GSDME: variants seen among roughly 807,000 people sequenced by gnomAD.
GSDME encodes the protein gasdermin-E.
A neutral mutation model predicts 47.5 loss-of-function variants in GSDME; 44 were observed. The ratio of observed to expected loss-of-function variants is 0.93; its 90% CI spans 0.73 to 1.19. The LOEUF (loss-of-function observed/expected upper bound fraction) is 1.19, where lower values mean the gene tolerates loss of function less well. Among genes scored for constraint, GSDME ranks in the 50% most tolerant of loss-of-function variants. The probability of loss-of-function intolerance (pLI) is 0.00; values close to 1 mark genes in which losing one functional copy is unlikely to be tolerated. For missense variants in GSDME, 663 were observed against 604.2 expected, an observed-to-expected ratio of 1.10 and a Z score of -1.02; for synonymous variants, 258 against 252.8, an observed-to-expected ratio of 1.02 and a Z score of -0.20.
chr7:24,727,558 C>T lies in GSDME; in HGVS notation c.405-8340G>A, dbSNP rs575831480. 2.0e-5 allele frequency among the ~76,000 whole-genome samples: 3 copies of T among 152,336 alleles called. No homozygotes were observed. In the East Asian group the frequency reaches 5.8e-4, roughly 29 times the overall value. Reference sequence around the variant, plus strand: ...TCTCCCAAGGGTTTTGATTTATTGGCTAAAACTACAGTTTACAAAGGATCA... The same window carrying T: ...TCTCCCAAGGGTTTTGATTTATTGGTTAAAACTACAGTTTACAAAGGATCA... On this transcript the variant is annotated intron_variant, in intron 3 of 9. Coordinates refer to ENST00000645220, the MANE Select transcript of GSDME (RefSeq NM_001127453.2).
the GSDME span, among the ~76,000 whole-genome samples, chr7:24,785,569 C>T: frequency 2.2e-4 from 33 of 152,314 alleles, no homozygotes; most frequent in Non-Finnish European, 4.0e-4. Flanking sequence ...GATTCCCCTG[C>T]CTCAGCCTCC....
In GSDME at chr7:24,736,262, T is replaced by G. The variant is rs941669820; in HGVS notation, c.404+8300A>C. ...AAAACAACAAAAAAAGACCAAATGA[T>G]CTGTTGCCTACAAGAAACACCCTTC... On this transcript the variant is annotated intron_variant, in intron 3 of 9. Transcript: ENST00000645220. This position sits in a 1 kb window ranked among gnomAD's most constrained non-coding sequence, Gnocchi z 4.6. Among the ~76,000 whole-genome samples, 3 of 151,984 alleles carry G rather than the reference T, an allele frequency of 2.0e-5. No individual in the cohort carries two copies. Among genetic ancestry groups the G allele is most frequent in the African/African-American group, 7.3e-5 (3 of 41,368 alleles).
chr7:24,734,633 T>C (rs1418793295), intron 3 of GSDME, among the ~76,000 whole-genome samples: 1 of 152,112 alleles, frequency 6.6e-6, no homozygotes, highest in African/African-American at 2.4e-5. Context: ...ATTCCAGAGT[T>C]GAAAAACACA....
chr7:24,749,597 C>T lies in GSDME; in HGVS notation c.178G>A (p.Asp60Asn), dbSNP rs370058550. Residue 60 changes from aspartate (D) to asparagine (N), a missense_variant, in exon 2 of 10, where the codon GAT becomes AAT. Transcript: ENST00000645220. Reference sequence around the variant, plus strand: ...GGAAATTGGTCTTCTATGAGTACATCGCCAAGGGTGAGGGATAAAAACTGG... The same window carrying T: ...GGAAATTGGTCTTCTATGAGTACATTGCCAAGGGTGAGGGATAAAAACTGG... ...KYQFLSLTLG[D>N]VLIEDQFPSP... is the part of the protein sequence containing the mutation. The T allele has an allele frequency of 1.2e-5, 19 of 1,613,598 alleles. No homozygotes were observed. The highest frequency in any genetic ancestry group is 1.6e-4 in the Middle Eastern group (1 of 6,082).
intron 3 of GSDME, among the ~76,000 whole-genome samples, chr7:24,737,678 C>T (rs1406484935): frequency 7.3e-6 from 1 of 136,148 alleles, no homozygotes; most frequent in Non-Finnish European, 1.5e-5. Context: ...ATACCAAAAC[C>T]AGACAAAGAC....
chr7:24,780,150 T>C, the GSDME span, among the ~76,000 whole-genome samples: 1 of 152,250 alleles, frequency 6.6e-6, no homozygotes, highest in Admixed American at 6.5e-5. The surrounding 1 kb of genome is among the most constrained non-coding windows in gnomAD (Gnocchi z 4.1). Context: ...GTCCGAGAAG[T>C]TGGCTGGCCC....
intron 5 of GSDME, among the ~76,000 whole-genome samples, chr7:24,715,191 G>A (rs983764467): frequency 6.6e-6 from 1 of 152,160 alleles, no homozygotes; most frequent in Non-Finnish European, 1.5e-5. Flanking sequence ...TAGACTGGTG[G>A]TTGCCAGGTG....
intron 5 of GSDME, among the ~76,000 whole-genome samples, chr7:24,711,152 A>G (rs906168856): frequency 6.6e-6 from 1 of 152,234 alleles, no homozygotes; most frequent in Non-Finnish European, 1.5e-5. Context: ...TGGTGGGCAC[A>G]TGGGAGCTCA....
rs1468328696 is a variant in GSDME, at chr7:24,733,210, G to C, written c.404+11352C>G. Among the ~76,000 whole-genome samples the C allele has an allele frequency of 2.0e-5, 3 of 152,096 alleles. No individual in the cohort carries two copies. Among genetic ancestry groups the C allele is most frequent in the Non-Finnish European group, 2.9e-5 (2 of 68,020 alleles). On this transcript the variant is annotated intron_variant, in intron 3 of 9. Coordinates refer to ENST00000645220, the MANE Select transcript of GSDME (RefSeq NM_001127453.2). The surrounding 1 kb of genome is among the most constrained non-coding windows in gnomAD (Gnocchi z 4.3). The stretch of plus-strand genomic sequence containing the variant: ...CCTGCCTTAAGGGAAGGATGCAGTT[G>C]TGACAGGATTCTTGTTCTTCTGACT...
intron 1 of GSDME, among the ~76,000 whole-genome samples, chr7:24,753,216 G>A (rs1335346505): frequency 2.6e-5 from 4 of 152,168 alleles, no homozygotes; most frequent in South Asian, 2.1e-4. Flanking sequence ...TCTAAATGAT[G>A]TAAAGGATAC....
the GSDME span, among the ~76,000 whole-genome samples, chr7:24,775,871 T>A: frequency 2.3e-5 from 1 of 44,286 alleles, no homozygotes; most frequent in Non-Finnish European, 3.4e-5. Flanking sequence ...TGAGATTCCA[T>A]CTCAAAAAAA....
rs1009844260 is a variant in GSDME at position 24,754,342 on chromosome 7, G to A, written c.-20+3054C>T. ...GTCTGTACTAAAAATACAAAAATTAGCCAGACATGGTGGCAGGCAGTAATC... is the reference window on the plus strand; with the variant it reads ...GTCTGTACTAAAAATACAAAAATTAACCAGACATGGTGGCAGGCAGTAATC... On this transcript the variant is annotated intron_variant, in intron 1 of 9. Coordinates refer to ENST00000645220, the MANE Select transcript of GSDME (RefSeq NM_001127453.2). The surrounding 1 kb of genome is among the most constrained non-coding windows in gnomAD (Gnocchi z 5.0). Among the ~76,000 whole-genome samples the A allele has an allele frequency of 6.6e-6, 1 of 152,066 alleles. No individual in the cohort carries two copies. Among genetic ancestry groups the A allele is most frequent in the Non-Finnish European group, 1.5e-5 (1 of 68,002 alleles).
In GSDME at chr7:24,733,830, C is replaced by T. The variant is rs1433845882; in HGVS notation, c.404+10732G>A. On this transcript the variant is annotated intron_variant, in intron 3 of 9. Transcript: ENST00000645220. This position sits in a 1 kb window ranked among gnomAD's most constrained non-coding sequence, Gnocchi z 4.3. ...CTGACTCCTGGACAGCATCTCTGGA[C>T]CCACCTGGGGCCCCAGGGAAATCAC... Among the ~76,000 whole-genome samples the T allele has an allele frequency of 6.6e-6, 1 of 152,194 alleles. No homozygotes were observed. Among genetic ancestry groups the T allele is most frequent in the African/African-American group, 2.4e-5 (1 of 41,442 alleles).
rs753880387 is a variant in GSDME, at chr7:24,719,115, T to A, written c.508A>T (p.Ile170Phe). 2.5e-6 allele frequency: 4 copies of A among 1,613,886 alleles called. No individual in the cohort carries two copies. The highest frequency in any genetic ancestry group is 3.4e-6 in the Non-Finnish European group (4 of 1,180,026). Residue 170 changes from isoleucine (I) to phenylalanine (F), a missense_variant, in exon 4 of 10, where the codon ATC becomes TTC. Coordinates refer to ENST00000645220, the MANE Select transcript of GSDME (RefSeq NM_001127453.2). ...TCCTCGACCTGCATGTGCTCAGAGA[T>A]CACACACTTCTGCATCGTCGTGATC... is the stretch of plus-strand genomic sequence containing the variant. ...QKITTMQKCV[I>F]SEHMQVEEKC... is the part of the protein sequence containing the mutation.
At chr7:24,727,641 G>A (rs1790012216) in intron 3 of GSDME, among the ~76,000 whole-genome samples, 3 of 152,230 alleles carry the variant, frequency 2.0e-5, no homozygotes, top group Non-Finnish European at 4.4e-5. Context: ...GACATTGCCT[G>A]TAAACTCCTT....
At chr7:24,713,926 A>G (rs534388904) in intron 5 of GSDME, among the ~76,000 whole-genome samples, 38 of 152,280 alleles carry the variant, frequency 2.5e-4, no homozygotes, top group Non-Finnish European at 4.1e-4. Flanking sequence ...ACTGCACTCC[A>G]GCCTAGGTCA....
chr7:24,752,957 G>GT (rs1422879777), intron 1 of GSDME, among the ~76,000 whole-genome samples: 1 of 150,916 alleles, frequency 6.6e-6, no homozygotes, highest in Non-Finnish European at 1.5e-5. Context: ...GGATTAGACG[G>GT]TAAAAAAGAG....
chr7:24,721,279 T>A lies in GSDME; in HGVS notation c.405-2061A>T. On this transcript the variant is annotated intron_variant, in intron 3 of 9. Coordinates refer to ENST00000645220, the MANE Select transcript of GSDME (RefSeq NM_001127453.2). The surrounding 1 kb of genome is among the most constrained non-coding windows in gnomAD (Gnocchi z 4.1). ...ACCACAATAACAAATAGATAAGACA[T>A]AGGAAAAACGGGTTCAATCTTAGTA... Among the ~76,000 whole-genome samples, 1 of 152,314 alleles carries A rather than the reference T, an allele frequency of 6.6e-6. No individual in the cohort carries two copies. The highest frequency in any genetic ancestry group is 3.4e-3 in the Middle Eastern group (1 of 294).
At chr7:24,748,184 G>A (rs1790736776) in intron 2 of GSDME, among the ~76,000 whole-genome samples, 1 of 138,576 alleles carries the variant, frequency 7.2e-6, no homozygotes, top group Non-Finnish European at 1.5e-5. Flanking sequence ...TTTTGAGATG[G>A]AATCTCACTC....
Sources: gnomAD v4.1 joint callset for allele counts (sites outside exome capture counted in the v4.1 genomes callset) on GRCh38, gnomAD v4.1.1 for gene constraint, Gnocchi (gnomAD v3.1) non-coding constraint, MANE v1.5 for transcripts, NCBI Gene and HGNC (gene_info 2026-07-23, HGNC 2026-07-21) for gene names.